The following RIMS2 variants were observed in gnomAD, a reference collection of about 807,000 sequenced individuals.
RIMS2 encodes the protein regulating synaptic membrane exocytosis 2.
RIMS2 carries 59 observed loss-of-function variants against 174.4 expected under a neutral mutation model. The observed-to-expected ratio is 0.34, with a 90% CI of 0.27 to 0.42. The LOEUF (loss-of-function observed/expected upper bound fraction) is 0.42, where lower values mean the gene tolerates loss of function less well. RIMS2 is among the 10% of genes least tolerant of loss of function. The pLI is 1.00. For missense variants in RIMS2, 1,620 were observed against 1,666.3 expected (o/e 0.97, Z 0.48); for synonymous variants, 606 against 572.5 (o/e 1.06, Z -0.84).
At chr8:103,665,222 C>T (rs532827618) in intron 1 of RIMS2, among the ~76,000 whole-genome samples, 1 of 152,300 alleles carries the variant, frequency 6.6e-6, no homozygotes, top group East Asian at 1.9e-4. Context: ...ACATGTATAT[C>T]TGTGTAACAA....
At chr8:104,184,099 A>T (rs1241699941) in intron 19 of RIMS2, among the ~76,000 whole-genome samples, 1 of 151,646 alleles carries the variant, frequency 6.6e-6, no homozygotes, top group African/African-American at 2.4e-5. Context: ...ACAATGTGCT[A>T]TCTATGTCAT....
intron 1 of RIMS2, among the ~76,000 whole-genome samples, chr8:103,639,222 C>T (rs1451073836): frequency 6.6e-6 from 1 of 151,742 alleles, no homozygotes; most frequent in Admixed American, 6.6e-5. Flanking sequence ...TCCTTTATTC[C>T]TGACTCTCTT....
At position 103,772,670 on chromosome 8, in the gene RIMS2, C is replaced by T. The variant is rs539325783; in HGVS notation, c.698+6133C>T. On this transcript the variant is annotated intron_variant, in intron 3 of 23. Coordinates refer to ENST00000504942, the Ensembl canonical transcript of RIMS2. ...TAACCAAAACAGCTTTTAGGAAGAA[C>T]GTAGTTAGAGGCATAACACTACCTG... 4.0e-4 allele frequency among the ~76,000 whole-genome samples: 61 copies of T among 152,106 alleles called. No homozygotes were observed. The South Asian group carries it at 0.011, about 28-fold the overall frequency.
chr8:103,681,424 T>A (rs1371435959), intron 1 of RIMS2, among the ~76,000 whole-genome samples: 1 of 151,846 alleles, frequency 6.6e-6, no homozygotes, highest in Non-Finnish European at 1.5e-5. Context: ...GGAAGGGAAA[T>A]CAAATTGGGG....
At chr8:103,952,735 A>G (rs1346716832) in intron 14 of RIMS2, among the ~76,000 whole-genome samples, 4 of 152,162 alleles carry the variant, frequency 2.6e-5, no homozygotes, top group Non-Finnish European at 5.9e-5. Context: ...CTTGCCAGCA[A>G]GGGAACTAAA....
At chr8:103,654,379 A>G (rs1182762589) in intron 1 of RIMS2, among the ~76,000 whole-genome samples, 3 of 152,044 alleles carry the variant, frequency 2.0e-5, no homozygotes, top group African/African-American at 4.8e-5. Flanking sequence ...TGATTTTTGT[A>G]TAGGAAGATG....
chr8:103,510,446 G>A (rs1364308218), intron 1 of RIMS2, among the ~76,000 whole-genome samples: 2 of 152,106 alleles, frequency 1.3e-5, no homozygotes, highest in Non-Finnish European at 1.5e-5. Flanking sequence ...CAAAATCTAG[G>A]TGTAGGTAGG....
In RIMS2 at chr8:104,096,605, C is replaced by T. The variant is rs185229235; in HGVS notation, c.3334+81990C>T. Among the ~76,000 whole-genome samples the T allele has an allele frequency of 7.9e-3, 1,202 of 152,138 alleles. 19 individuals are homozygous for T. The highest frequency in any genetic ancestry group is 7.0e-3 in the Non-Finnish European group (476 of 68,006). On this transcript the variant is annotated intron_variant, in intron 19 of 23. Coordinates refer to ENST00000504942, the Ensembl canonical transcript of RIMS2. The stretch of plus-strand genomic sequence containing the variant: ...AATGTTGGGGCCGGGTGCGATGGCT[C>T]ACGCCTGTAATCCCAGCACTTTGGG...
At chr8:103,554,195 A>T (rs1182124409) in intron 1 of RIMS2, among the ~76,000 whole-genome samples, 1 of 152,106 alleles carries the variant, frequency 6.6e-6, no homozygotes, top group African/African-American at 2.4e-5. Flanking sequence ...GCACCTTGAC[A>T]AATGGAATCT....
At chr8:104,082,669 T>A (rs2154563448) in intron 19 of RIMS2, among the ~76,000 whole-genome samples, 1 of 152,240 alleles carries the variant, frequency 6.6e-6, no homozygotes, top group African/African-American at 2.4e-5. Flanking sequence ...ATATAGAATG[T>A]TCTACATTTT....
At chr8:104,030,633 C>T (rs1374937983) in intron 19 of RIMS2, among the ~76,000 whole-genome samples, 1 of 152,138 alleles carries the variant, frequency 6.6e-6, no homozygotes, top group Non-Finnish European at 1.5e-5. Context: ...ATCAGACATG[C>T]TTCTAACTCA....
chr8:103,646,399 T>TAATA (rs2096333642), intron 1 of RIMS2, among the ~76,000 whole-genome samples: 1 of 152,128 alleles, frequency 6.6e-6, no homozygotes. Context: ...ACTTTTATTT[T>TAATA]AAGTTCAGGG....
chr8:103,984,341 C>G (rs932822336), intron 16 of RIMS2, among the ~76,000 whole-genome samples: 1 of 151,972 alleles, frequency 6.6e-6, no homozygotes, highest in Admixed American at 6.6e-5. Flanking sequence ...ATTAGGAACT[C>G]AAACAACTGT....
intron 1 of RIMS2, among the ~76,000 whole-genome samples, chr8:103,665,663 C>T (rs1044022196): frequency 9.2e-5 from 14 of 152,190 alleles, no homozygotes; most frequent in Admixed American, 2.6e-4. Flanking sequence ...TTCTACCTCA[C>T]GCTGACTTTC....
At chr8:104,017,705 T>TA (rs1331223503) in intron 19 of RIMS2, among the ~76,000 whole-genome samples, 2 of 152,212 alleles carry the variant, frequency 1.3e-5, no homozygotes, top group Non-Finnish European at 2.9e-5. Flanking sequence ...AAAGTCATCA[T>TA]AAAAGCAATG....
intron 19 of RIMS2, among the ~76,000 whole-genome samples, chr8:104,039,731 G>A (rs1297432618): frequency 6.6e-6 from 1 of 151,652 alleles, no homozygotes; most frequent in Non-Finnish European, 1.5e-5. Flanking sequence ...TTTGCCTAGG[G>A]TATTAATAAA....
chr8:103,567,412 C>G (rs1236828153), intron 1 of RIMS2, among the ~76,000 whole-genome samples: 5 of 152,202 alleles, frequency 3.3e-5, no homozygotes, highest in Non-Finnish European at 7.3e-5. Context: ...TAAATGGAAT[C>G]ATACAGTATG....
chr8:103,936,670 C>A lies in RIMS2; in HGVS notation c.2495C>A (p.Thr832Asn). The change falls in exon 13 of 24, where the codon ACC (threonine) becomes AAC (asparagine). Residue 832 changes from threonine (T) to asparagine (N), a missense_variant. This residue lies in a region of RIMS2 where 1,395 missense variants were observed against 1,360.1 expected (regional missense o/e 1.03). Coordinates refer to ENST00000504942, the Ensembl canonical transcript of RIMS2. ...TTTCGGGAACGAATGCTAGAGATTACCCTTTGGGATCAAGCTCGTGTTCGA... is the reference window on the plus strand; with the variant it reads ...TTTCGGGAACGAATGCTAGAGATTAACCTTTGGGATCAAGCTCGTGTTCGA... 6.2e-7 allele frequency: 1 copy of A among 1,610,564 alleles called. No homozygotes were observed. Among genetic ancestry groups the A allele is most frequent in the Non-Finnish European group, 8.5e-7 (1 of 1,178,466 alleles).
At chr8:103,766,774 G>A (rs181373987) in intron 3 of RIMS2, among the ~76,000 whole-genome samples, 2 of 152,280 alleles carry the variant, frequency 1.3e-5, no homozygotes, top group East Asian at 3.9e-4. Context: ...GCATAAAGAA[G>A]TGAAATAAAA....
Sources: gnomAD v4.1 joint callset for allele counts (sites outside exome capture counted in the v4.1 genomes callset) on GRCh38, gnomAD v4.1.1 for gene constraint, gnomAD v4.1.1 regional missense constraint, MANE v1.5 for transcripts, NCBI Gene and HGNC (gene_info 2026-07-23, HGNC 2026-07-21) for gene names.